CNTNAP5: variants seen among roughly 807,000 people sequenced by gnomAD.
CNTNAP5 encodes the protein contactin associated protein family member 5.
Under a neutral mutation model 150.2 loss-of-function variants are expected in CNTNAP5, and 72 were observed. That is an observed-to-expected ratio of 0.48 (90% CI 0.40 to 0.58). The LOEUF (loss-of-function observed/expected upper bound fraction) is 0.58, where lower values mean the gene tolerates loss of function less well. CNTNAP5 is among the 20% of genes least tolerant of loss of function. The probability of loss-of-function intolerance (pLI) is 0.00; values close to 1 mark genes in which losing one functional copy is unlikely to be tolerated. For synonymous variants in CNTNAP5, 672 were observed against 619.8 expected (o/e 1.08, Z -1.25); for missense variants, 1,636 against 1,626.2 (o/e 1.01, Z -0.10).
At chr2:124,396,348 T>A (rs1573965513) in intron 3 of CNTNAP5, among the ~76,000 whole-genome samples, 1 of 152,194 alleles carries the variant, frequency 6.6e-6, no homozygotes, top group African/African-American at 2.4e-5. Context: ...GCATTCGATA[T>A]GGGGCATACA....
intron 3 of CNTNAP5, among the ~76,000 whole-genome samples, chr2:124,269,190 A>AT (rs1687683651): frequency 6.6e-6 from 1 of 152,168 alleles, no homozygotes; most frequent in East Asian, 1.9e-4. Context: ...ACTTCCTAGT[A>AT]TTTTAAATGA....
intron 17 of CNTNAP5, among the ~76,000 whole-genome samples, chr2:124,777,562 T>A (rs1472894161): frequency 6.6e-6 from 1 of 152,134 alleles, no homozygotes; most frequent in Non-Finnish European, 1.5e-5. Flanking sequence ...TTTGTATTTT[T>A]AATAGAGATA....
rs1043879312 is a variant in CNTNAP5 at position 124,363,097 on chromosome 2, G to A, written c.382-54346G>A. On this transcript the variant is annotated intron_variant, in intron 3 of 23. Coordinates refer to ENST00000682447, the MANE Select transcript of CNTNAP5 (RefSeq NM_001367498.1). ...TTGTGACAGTTGTGGTGAGTGATATGAAGGCACTATGATGTTTGTAATGCC... is the reference window on the plus strand; with the variant it reads ...TTGTGACAGTTGTGGTGAGTGATATAAAGGCACTATGATGTTTGTAATGCC... Among the ~76,000 whole-genome samples, 4 of 152,172 alleles carry A rather than the reference G, an allele frequency of 2.6e-5. No individual in the cohort carries two copies. In the East Asian group the frequency reaches 7.7e-4, roughly 29 times the overall value.
intron 6 of CNTNAP5, among the ~76,000 whole-genome samples, chr2:124,460,915 C>A (rs192115188): frequency 2.8e-4 from 43 of 151,826 alleles, no homozygotes; most frequent in Non-Finnish European, 5.6e-4. Flanking sequence ...AGGCCTCCAT[C>A]GAGGAAAATA....
At chr2:124,790,929 T>C (rs1242147110) in intron 18 of CNTNAP5, among the ~76,000 whole-genome samples, 2 of 152,238 alleles carry the variant, frequency 1.3e-5, no homozygotes, top group African/African-American at 2.4e-5. Context: ...AGGAAAAAGA[T>C]TTGGTGTACT....
chr2:124,460,332 T>A (rs1693216715), intron 6 of CNTNAP5, among the ~76,000 whole-genome samples: 1 of 152,156 alleles, frequency 6.6e-6, no homozygotes, highest in African/African-American at 2.4e-5. Context: ...AGAAAAGTAC[T>A]TTAAGAAGAA....
At chr2:124,822,532 G>T (rs954936001) in intron 19 of CNTNAP5, among the ~76,000 whole-genome samples, 2 of 152,122 alleles carry the variant, frequency 1.3e-5, no homozygotes, top group African/African-American at 2.4e-5. Context: ...CTTCCAACGA[G>T]ATGTACTATT....
chr2:124,278,623 G>A (rs1687943979), intron 3 of CNTNAP5, among the ~76,000 whole-genome samples: 2 of 152,120 alleles, frequency 1.3e-5, no homozygotes, highest in African/African-American at 4.8e-5. Context: ...AGATGATGTG[G>A]AATGCTGTCA....
chr2:124,256,515 A>G (rs1420942202), intron 3 of CNTNAP5, among the ~76,000 whole-genome samples: 1 of 152,126 alleles, frequency 6.6e-6, no homozygotes, highest in Non-Finnish European at 1.5e-5. Flanking sequence ...ATTAGAGTGT[A>G]CAATAAGGCA....
At position 124,422,604 on chromosome 2, in the gene CNTNAP5, A is replaced by T. The variant is rs1001692380; in HGVS notation, c.529+5014A>T. ...ATGTTGGAATCTGAAATTCTCTTGG[A>T]GATAACACATCCTAATGAATCTTCT... On this transcript the variant is annotated intron_variant, in intron 4 of 23. Coordinates refer to ENST00000682447, the MANE Select transcript of CNTNAP5 (RefSeq NM_001367498.1). Among the ~76,000 whole-genome samples the T allele has an allele frequency of 4.3e-4, 65 of 152,220 alleles. 1 individual carries two copies. The highest frequency in any genetic ancestry group is 3.6e-3 in the Admixed American group (55 of 15,280).
intron 6 of CNTNAP5, among the ~76,000 whole-genome samples, chr2:124,463,229 T>C (rs946135863): frequency 6.6e-6 from 1 of 152,206 alleles, no homozygotes; most frequent in Non-Finnish European, 1.5e-5. Context: ...ATTTACCTCA[T>C]TGGCCAAAGA....
intron 3 of CNTNAP5, among the ~76,000 whole-genome samples, chr2:124,337,999 C>T (rs1282221941): frequency 6.6e-6 from 1 of 152,172 alleles, no homozygotes; most frequent in Non-Finnish European, 1.5e-5. Flanking sequence ...TACCCATGAG[C>T]ATGAAGTGTT....
intron 18 of CNTNAP5, among the ~76,000 whole-genome samples, chr2:124,795,447 G>A (rs73955825): frequency 3.9e-5 from 6 of 152,234 alleles, no homozygotes; most frequent in African/African-American, 7.2e-5. Context: ...TGTCTCTGTC[G>A]CTAACACATC....
chr2:124,906,805 T>C (rs1303617894), intron 22 of CNTNAP5, among the ~76,000 whole-genome samples: 1 of 152,162 alleles, frequency 6.6e-6, no homozygotes, highest in East Asian at 1.9e-4. Context: ...CTTTACTGTT[T>C]TATGTTTCAC....
chr2:124,856,954 G>T (rs1234265615), intron 19 of CNTNAP5, among the ~76,000 whole-genome samples: 1 of 152,170 alleles, frequency 6.6e-6, no homozygotes, highest in African/African-American at 2.4e-5. Flanking sequence ...CTGCAGGGAG[G>T]CACTGGTTTC....
chr2:124,438,318 T>C (rs991576063), intron 5 of CNTNAP5, among the ~76,000 whole-genome samples: 1 of 152,204 alleles, frequency 6.6e-6, no homozygotes, highest in Non-Finnish European at 1.5e-5. Context: ...CATGGCAGTC[T>C]GCCCTCTGCC....
At chr2:124,715,479 G>A (rs1037546606) in intron 13 of CNTNAP5, among the ~76,000 whole-genome samples, 1 of 151,922 alleles carries the variant, frequency 6.6e-6, no homozygotes, top group Non-Finnish European at 1.5e-5. Flanking sequence ...TTCCCACTGA[G>A]GCTGGAATAC....
intron 3 of CNTNAP5, among the ~76,000 whole-genome samples, chr2:124,403,491 A>C (rs994641133): frequency 1.3e-5 from 2 of 152,196 alleles, no homozygotes; most frequent in South Asian, 2.1e-4. Flanking sequence ...TTATTCAGCA[A>C]GTCTTTAATA....
In CNTNAP5 at chr2:124,203,030, G is replaced by A. The variant is rs1685767615; in HGVS notation, c.83-18675G>A. The stretch of plus-strand genomic sequence containing the variant: ...TGATCTCAAAAGTCCACAGTCCAAA[G>A]TCTCATCTGAGACAAGGCAAGTCCC... On this transcript the variant is annotated intron_variant, in intron 1 of 23. Coordinates refer to ENST00000682447, the MANE Select transcript of CNTNAP5 (RefSeq NM_001367498.1). 2.0e-5 allele frequency among the ~76,000 whole-genome samples: 3 copies of A among 152,066 alleles called. No homozygotes were observed. In the South Asian group the frequency reaches 6.2e-4, roughly 31 times the overall value.
Sources: gnomAD v4.1 joint callset for allele counts (sites outside exome capture counted in the v4.1 genomes callset) on GRCh38, gnomAD v4.1.1 for gene constraint, MANE v1.5 for transcripts, NCBI Gene and HGNC (gene_info 2026-07-23, HGNC 2026-07-21) for gene names.